The following SENP7 variants were observed in gnomAD, a reference collection of about 807,000 sequenced individuals.
The protein encoded by SENP7 is sentrin-specific protease 7.
SENP7 carries 64 observed loss-of-function variants against 141.2 expected under a neutral mutation model. The ratio of observed to expected loss-of-function variants is 0.45; its 90% CI spans 0.37 to 0.56. The LOEUF (loss-of-function observed/expected upper bound fraction) is 0.56. Among genes scored for constraint, SENP7 ranks in the 20% least tolerant of loss-of-function variants. SENP7 has a pLI of 0.00. For synonymous variants in SENP7, 382 were observed against 426.4 expected (o/e 0.90, Z 1.28); for missense variants, 1,025 against 1,212.2 (o/e 0.85, Z 2.29).
chr3:101,444,269 T>C (rs887876532), intron 4 of SENP7, among the ~76,000 whole-genome samples: 4 of 144,918 alleles, frequency 2.8e-5, no homozygotes, highest in East Asian at 2.1e-4. Context: ...TGTGGAGAAA[T>C]AGGAACACTT....
At chr3:101,377,794 T>C (rs1452951450) in intron 6 of SENP7, among the ~76,000 whole-genome samples, 3 of 152,216 alleles carry the variant, frequency 2.0e-5, no homozygotes, top group Admixed American at 2.0e-4. Flanking sequence ...TAGCTTTCCA[T>C]GTGGGAGAAG....
intron 12 of SENP7, 27 bp from the exon 13 acceptor site, chr3:101,348,078 A>T: frequency 1.3e-6 from 2 of 1,503,714 alleles, no homozygotes; most frequent in Non-Finnish European, 9.0e-7. Context: ...ACAACAATTT[A>T]AAAAATTAAT....
At chr3:101,385,691 T>C (rs1374345054) in intron 6 of SENP7, among the ~76,000 whole-genome samples, 1 of 152,118 alleles carries the variant, frequency 6.6e-6, no homozygotes, top group African/African-American at 2.4e-5. Context: ...TCAGCTGACC[T>C]ACCCAAACTC....
At chr3:101,339,178 A>T (rs916875485) in intron 16 of SENP7, among the ~76,000 whole-genome samples, 2 of 152,196 alleles carry the variant, frequency 1.3e-5, no homozygotes, top group Non-Finnish European at 2.9e-5. Flanking sequence ...TGTAAATATA[A>T]TGTGAGACTT....
chr3:101,457,784 T>C, intron 4 of SENP7: 1 of 638,392 alleles, frequency 1.6e-6, no homozygotes, highest in Non-Finnish European at 2.7e-6. Context: ...GCTAAGAGGG[T>C]CCTGGGTGGA....
chr3:101,379,562 C>T (rs2060436460), intron 6 of SENP7, among the ~76,000 whole-genome samples: 1 of 151,982 alleles, frequency 6.6e-6, no homozygotes, highest in Admixed American at 6.6e-5. Context: ...ATATAAATGG[C>T]CAACAACACG....
chr3:101,461,587 C>T (rs1291806461), intron 3 of SENP7, among the ~76,000 whole-genome samples: 2 of 150,962 alleles, frequency 1.3e-5, no homozygotes, highest in African/African-American at 2.4e-5. Flanking sequence ...GGTACAGGTA[C>T]CGTAAGAAAA....
intron 4 of SENP7, among the ~76,000 whole-genome samples, chr3:101,423,657 A>G (rs2061856520): frequency 6.6e-6 from 1 of 152,170 alleles, no homozygotes; most frequent in Non-Finnish European, 1.5e-5. Flanking sequence ...TGCACTCCTA[A>G]TAGATCTTCA....
chr3:101,421,633 C>T (rs1415117622), intron 4 of SENP7, among the ~76,000 whole-genome samples: 2 of 152,094 alleles, frequency 1.3e-5, no homozygotes, highest in Non-Finnish European at 2.9e-5. Flanking sequence ...AATAGTGAGG[C>T]TCTAAATGAG....
chr3:101,422,705 T>C (rs1413810778), intron 4 of SENP7, among the ~76,000 whole-genome samples: 2 of 152,190 alleles, frequency 1.3e-5, no homozygotes, highest in Non-Finnish European at 2.9e-5. Context: ...TTGATCCATA[T>C]ACTCAGATTC....
In SENP7 at chr3:101,346,451, T is replaced by C. The variant is rs2059455961; in HGVS notation, c.1837+1421A>G. ...GGAAGTCAATATACAAAAAAGATAC[T>C]TGCACACACGTTTATAGCAGCACAA... is the stretch of plus-strand genomic sequence containing the variant. On this transcript the variant is annotated intron_variant, in intron 13 of 23. Transcript: ENST00000394095. 2.0e-5 allele frequency among the ~76,000 whole-genome samples: 3 copies of C among 152,226 alleles called. No individual in the cohort carries two copies. The South Asian group carries it at 6.2e-4, about 32-fold the overall frequency.
At chr3:101,419,516 C>G (rs578185452) in intron 4 of SENP7, among the ~76,000 whole-genome samples, 3 of 152,160 alleles carry the variant, frequency 2.0e-5, no homozygotes, top group African/African-American at 7.2e-5. Flanking sequence ...GAGCAGAAAC[C>G]AGAATACAGT....
intron 3 of SENP7, among the ~76,000 whole-genome samples, chr3:101,493,558 C>T (rs540625918): frequency 1.1e-3 from 170 of 152,132 alleles, no homozygotes; most frequent in Non-Finnish European, 1.8e-3. Context: ...TAAAATGGGT[C>T]AAGTGCATAA....
intron 3 of SENP7, among the ~76,000 whole-genome samples, chr3:101,493,200 C>T (rs1038287853): frequency 3.3e-5 from 5 of 152,060 alleles, no homozygotes; most frequent in Admixed American, 6.5e-5. Context: ...TCAGAACACG[C>T]GGACACATAG....
At chr3:101,361,218 C>CA (rs375440743) in intron 11 of SENP7, among the ~76,000 whole-genome samples, 3 of 149,252 alleles carry the variant, frequency 2.0e-5, no homozygotes, top group Non-Finnish European at 1.5e-5. Context: ...GTCCGCCCCC[C>CA]CAAAAAAAAA....
At chr3:101,348,101 ACAC>A in intron 12 of SENP7, 50 bp from the exon 13 acceptor site, 1 of 1,273,268 alleles carries the variant, frequency 7.9e-7, no homozygotes, top group African/African-American at 1.5e-5. Flanking sequence ...ATTTAAGAAT[ACAC>A]CACTTAAACA....
intron 4 of SENP7, among the ~76,000 whole-genome samples, chr3:101,449,265 G>A (rs1008478198): frequency 4.6e-5 from 7 of 152,144 alleles, no homozygotes; most frequent in Non-Finnish European, 1.0e-4. Context: ...TGAAAGTGAC[G>A]GAGAGAATGG....
chr3:101,367,770 C>T, intron 8 of SENP7, 60 bp downstream of exon 8: 1 of 1,102,080 alleles, frequency 9.1e-7, no homozygotes, highest in Non-Finnish European at 1.3e-6. Flanking sequence ...TGGCCACAGT[C>T]AACTCGTTTT....
intron 3 of SENP7, among the ~76,000 whole-genome samples, chr3:101,490,803 A>C (rs1381096071): frequency 6.6e-6 from 1 of 152,168 alleles, no homozygotes; most frequent in Non-Finnish European, 1.5e-5. Flanking sequence ...ACAACAACAA[A>C]AAAGTTGAGT....
Sources: gnomAD v4.1 joint callset for allele counts (sites outside exome capture counted in the v4.1 genomes callset) on GRCh38, gnomAD v4.1.1 for gene constraint, MANE v1.5 for transcripts, NCBI Gene and HGNC (gene_info 2026-07-23, HGNC 2026-07-21) for gene names.